MYO3B: variants seen among roughly 807,000 people sequenced by gnomAD.
MYO3B encodes myosin IIIB, also known as myosin-IIIb.
MYO3B carries 156 observed loss-of-function variants against 174.6 expected under a neutral mutation model. The observed-to-expected ratio is 0.89, with a 90% CI of 0.78 to 1.02. The LOEUF is 1.02. Ranked by LOEUF, MYO3B falls within the 50% of genes least tolerant of loss-of-function variation. MYO3B has a pLI of 0.00. For synonymous variants in MYO3B, 563 were observed against 569.1 expected, an observed-to-expected ratio of 0.99 and a Z score of 0.15; for missense variants, 1,632 against 1,639.4, an observed-to-expected ratio of 1.00 and a Z score of 0.08.
intron 8 of MYO3B, among the ~76,000 whole-genome samples, chr2:170,355,159 T>C (rs1223260654): frequency 1.3e-5 from 2 of 152,184 alleles, no homozygotes; most frequent in African/African-American, 4.8e-5. Context: ...GTGACAGGCA[T>C]GGTAGTGGTT....
intron 22 of MYO3B, among the ~76,000 whole-genome samples, chr2:170,437,155 C>A (rs1047702811): frequency 6.6e-6 from 1 of 151,356 alleles, no homozygotes; most frequent in Non-Finnish European, 1.5e-5. Context: ...AATGCAAAGC[C>A]CTGCAAAACT....
chr2:170,407,654 C>G, intron 21 of MYO3B, 61 bp from the exon 22 acceptor site: 1 of 1,598,946 alleles, frequency 6.3e-7, no homozygotes, highest in African/African-American at 1.4e-5. Context: ...GGCAAGTTGC[C>G]AGTGTCACCA....
chr2:170,280,650 G>C (rs2093501233), intron 7 of MYO3B, among the ~76,000 whole-genome samples: 1 of 149,876 alleles, frequency 6.7e-6, no homozygotes, highest in Non-Finnish European at 1.5e-5. Flanking sequence ...ATTGAATTTT[G>C]TATATGGTGT....
chr2:170,404,462 T>A, intron 20 of MYO3B, 62 bp downstream of exon 20: 3 of 1,483,880 alleles, frequency 2.0e-6, no homozygotes, highest in Non-Finnish European at 2.7e-6. Context: ...GTGTCATCAA[T>A]TGAGTGTACT....
intron 1 of MYO3B, among the ~76,000 whole-genome samples, chr2:170,195,350 G>A (rs1490698765): frequency 3.9e-5 from 6 of 152,020 alleles, no homozygotes. Flanking sequence ...CAGAAGAACG[G>A]CAGAACGGCA....
chr2:170,492,699 C>T (rs550147441), intron 25 of MYO3B, among the ~76,000 whole-genome samples: 1 of 152,156 alleles, frequency 6.6e-6, no homozygotes, highest in African/African-American at 2.4e-5. Context: ...GTCTCTCCTA[C>T]CTGTCTTCTC....
chr2:170,473,387 C>A (rs1685107478), intron 25 of MYO3B, among the ~76,000 whole-genome samples: 1 of 152,038 alleles, frequency 6.6e-6, no homozygotes, highest in African/African-American at 2.4e-5. Context: ...ACCTTGTGAT[C>A]CGCCTGCCTC....
At chr2:170,547,970 G>A (rs1690640516) in intron 32 of MYO3B, among the ~76,000 whole-genome samples, 1 of 151,974 alleles carries the variant, frequency 6.6e-6, no homozygotes, top group Non-Finnish European at 1.5e-5. Context: ...AGCCGGGCGT[G>A]GTGGCAGGCG....
intron 32 of MYO3B, among the ~76,000 whole-genome samples, chr2:170,614,765 CT>C (rs1695338373): frequency 6.6e-6 from 1 of 152,184 alleles, no homozygotes; most frequent in Non-Finnish European, 1.5e-5. Context: ...AAGGCCACAA[CT>C]CCCCTCAGTC....
intron 32 of MYO3B, among the ~76,000 whole-genome samples, chr2:170,635,799 A>G (rs978865414): frequency 6.6e-6 from 1 of 152,200 alleles, no homozygotes; most frequent in Non-Finnish European, 1.5e-5. Flanking sequence ...AGGAGGAGAT[A>G]TCCAAAGGTC....
At chr2:170,507,876 C>T (rs1687714638) in intron 28 of MYO3B, among the ~76,000 whole-genome samples, 2 of 152,264 alleles carry the variant, frequency 1.3e-5, no homozygotes, top group East Asian at 1.9e-4. Context: ...TGAGCTCTGC[C>T]AAATCTCTCT....
chr2:170,236,540 C>G (rs1343503125), intron 7 of MYO3B, among the ~76,000 whole-genome samples: 2 of 152,220 alleles, frequency 1.3e-5, no homozygotes, highest in Non-Finnish European at 2.9e-5. Context: ...TTCACTCAGA[C>G]TAGCATTGAA....
At chr2:170,367,021 G>A (rs1370600331) in intron 8 of MYO3B, among the ~76,000 whole-genome samples, 1 of 86,280 alleles carries the variant, frequency 1.2e-5, no homozygotes, top group Non-Finnish European at 3.0e-5. Flanking sequence ...TATTAAGGAG[G>A]AAGGTAGAGA....
intron 7 of MYO3B, among the ~76,000 whole-genome samples, chr2:170,259,107 A>T (rs111360066): frequency 6.6e-6 from 1 of 152,192 alleles, no homozygotes; most frequent in African/African-American, 2.4e-5. Context: ...TGGACTGGAA[A>T]AATCAGTGTT....
In MYO3B at chr2:170,420,474, C is replaced by T. The variant is rs118157308; in HGVS notation, c.2650+12630C>T. Among the ~76,000 whole-genome samples the T allele has an allele frequency of 8.5e-5, 13 of 152,208 alleles. No individual in the cohort carries two copies. In the East Asian group the frequency reaches 1.9e-3, roughly 23 times the overall value. ...ACCACAGAGCTTTTGCAGACCTGAT[C>T]CTGGTAGGCTGGCAGGTTCTGTCAC... On this transcript the variant is annotated intron_variant, in intron 22 of 34. Transcript: ENST00000408978.
chr2:170,383,830 C>T lies in MYO3B; in HGVS notation c.1290+16C>T. ...CAAAGACCAGGTAAGAACTCACCTTCCTTTCCTACGGAGTCACCCAGTTAA... is the reference window on the plus strand; with the variant it reads ...CAAAGACCAGGTAAGAACTCACCTTTCTTTCCTACGGAGTCACCCAGTTAA... On this transcript the variant is annotated intron_variant, in intron 12 of 34. Coordinates refer to ENST00000408978, the MANE Select transcript of MYO3B (RefSeq NM_138995.5). 1 of 1,587,084 alleles carries T rather than the reference C, an allele frequency of 6.3e-7. No individual in the cohort carries two copies. Among genetic ancestry groups the T allele is most frequent in the Non-Finnish European group, 8.7e-7 (1 of 1,155,412 alleles).
At chr2:170,578,503 A>G (rs963249297) in intron 32 of MYO3B, among the ~76,000 whole-genome samples, 3 of 152,206 alleles carry the variant, frequency 2.0e-5, no homozygotes, top group East Asian at 1.9e-4. Context: ...CTTAGTGTAC[A>G]TTTTCTGTTG....
At chr2:170,434,298 T>C (rs749737643) in intron 22 of MYO3B, among the ~76,000 whole-genome samples, 1 of 152,168 alleles carries the variant, frequency 6.6e-6, no homozygotes, top group Non-Finnish European at 1.5e-5. Flanking sequence ...CAACTTGTTA[T>C]ATATAAAGTT....
intron 32 of MYO3B, among the ~76,000 whole-genome samples, chr2:170,583,501 T>C (rs114490953): frequency 0.016 from 2,487 of 152,304 alleles, 78 homozygotes; most frequent in African/African-American, 0.056. Context: ...TGGTCTGTAT[T>C]CATATATAAA....
Sources: gnomAD v4.1 joint callset for allele counts (sites outside exome capture counted in the v4.1 genomes callset) on GRCh38, gnomAD v4.1.1 for gene constraint, MANE v1.5 for transcripts, NCBI Gene and HGNC (gene_info 2026-07-23, HGNC 2026-07-21) for gene names.